WIPF2: variants seen among roughly 807,000 people sequenced by gnomAD.
The protein encoded by WIPF2 is WAS/WASL-interacting protein family member 2.
Under a neutral mutation model 38.8 loss-of-function variants are expected in WIPF2, and 23 were observed. The ratio of observed to expected loss-of-function variants is 0.59; its 90% confidence interval spans 0.43 to 0.84. WIPF2 has a LOEUF of 0.84. Ranked by LOEUF, WIPF2 falls within the 40% of genes least tolerant of loss-of-function variation. WIPF2 has a pLI of 0.00. For synonymous variants in WIPF2, 210 were observed against 223.2 expected (o/e 0.94, Z 0.53); for missense variants, 574 against 580.5 (o/e 0.99, Z 0.11).
At chr17:40,229,765 T>C (rs1218302088) in intron 1 of WIPF2, among the ~76,000 whole-genome samples, 2 of 152,178 alleles carry the variant, frequency 1.3e-5, no homozygotes, top group Non-Finnish European at 2.9e-5. Flanking sequence ...TTGCTGTAAA[T>C]GCTGTGGAGA....
At chr17:40,229,214 C>T (rs897662204) in intron 1 of WIPF2, among the ~76,000 whole-genome samples, 4 of 151,416 alleles carry the variant, frequency 2.6e-5, no homozygotes, top group East Asian at 1.9e-4. Context: ...CGGGTTCAAG[C>T]GATTCTCCTG....
rs184056687 is a variant in WIPF2 at position 40,225,931 on chromosome 17, G to A, written c.-70+6439G>A. Among the ~76,000 whole-genome samples, 277 of 152,226 alleles carry A rather than the reference G, an allele frequency of 1.8e-3. 2 individuals are homozygous for A. Among genetic ancestry groups the A allele is most frequent in the African/African-American group, 6.4e-3 (267 of 41,526 alleles). On this transcript the variant is annotated intron_variant, in intron 1 of 7. Coordinates refer to ENST00000323571, the MANE Select transcript of WIPF2 (RefSeq NM_133264.5). ...TTATAGGTGTGAGCCACCAGGCTCA[G>A]CCATTATAATTGATTTTCAAAAAAA...
intron 2 of WIPF2, among the ~76,000 whole-genome samples, chr17:40,258,169 G>T (rs1366439578): frequency 6.6e-6 from 1 of 152,166 alleles, no homozygotes; most frequent in Admixed American, 6.5e-5. Flanking sequence ...AGGCCGAGGC[G>T]GGCGGATCAC....
At chr17:40,276,520 CAAAAAAA>C (rs1160459322) in intron 6 of WIPF2, among the ~76,000 whole-genome samples, 16 of 71,626 alleles carry the variant, frequency 2.2e-4, no homozygotes, top group African/African-American at 9.8e-4. Flanking sequence ...GACTCCGTCT[CAAAAAAA>C]AAAAAAAAAA....
At chr17:40,274,786 T>C (rs1188206709) in intron 6 of WIPF2, among the ~76,000 whole-genome samples, 2 of 150,512 alleles carry the variant, frequency 1.3e-5, no homozygotes, top group Non-Finnish European at 3.0e-5. Flanking sequence ...CTCTAAAAAA[T>C]ACAAAAATTA....
At chr17:40,253,148 C>G (rs181845207) in intron 1 of WIPF2, among the ~76,000 whole-genome samples, 7 of 149,118 alleles carry the variant, frequency 4.7e-5, no homozygotes, top group African/African-American at 1.5e-4. Flanking sequence ...CTGCAAGCTC[C>G]GTCTCCCAGG....
intron 5 of WIPF2, 43 bp from the exon 6 acceptor site, chr17:40,273,747 C>T (rs778672220): frequency 1.4e-5 from 17 of 1,257,232 alleles, no homozygotes; most frequent in South Asian, 7.2e-5. Context: ...TACCCCTTGC[C>T]GTCTCCACAT....
At chr17:40,278,010 G>A (rs1032500103) in intron 7 of WIPF2, among the ~76,000 whole-genome samples, 175 bp from the exon 8 acceptor site, 3 of 152,136 alleles carry the variant, frequency 2.0e-5, no homozygotes, top group Non-Finnish European at 2.9e-5. Context: ...ACAGGCGTGA[G>A]CCACCTTGCC....
At chr17:40,222,280 C>T (rs1380794178) in intron 1 of WIPF2, among the ~76,000 whole-genome samples, 1 of 151,788 alleles carries the variant, frequency 6.6e-6, no homozygotes, top group African/African-American at 2.4e-5. Flanking sequence ...TCTCGAACTC[C>T]TGACCTCGTG....
intron 1 of WIPF2, among the ~76,000 whole-genome samples, chr17:40,237,952 G>T (rs556577012): frequency 6.7e-6 from 1 of 148,544 alleles, no homozygotes; most frequent in Admixed American, 6.7e-5. Flanking sequence ...TGTAATCCCA[G>T]CTACTCAGGA....
At chr17:40,264,326 CAAAAAAA>C (rs772320240) in intron 4 of WIPF2, among the ~76,000 whole-genome samples, 157 bp from the exon 5 acceptor site, 58 of 23,956 alleles carry the variant, frequency 2.4e-3, no homozygotes, top group East Asian at 3.2e-3. Context: ...AACTTCGTCT[CAAAAAAA>C]AAAAAAAAAA....
intron 1 of WIPF2, among the ~76,000 whole-genome samples, chr17:40,244,617 G>A (rs1290430510): frequency 2.0e-5 from 3 of 152,124 alleles, no homozygotes; most frequent in Non-Finnish European, 2.9e-5. Flanking sequence ...GGTTCATTTA[G>A]GTTTCTTTGG....
chr17:40,232,788 G>A (rs144614326), intron 1 of WIPF2, among the ~76,000 whole-genome samples: 2,698 of 150,550 alleles, frequency 0.018, 43 homozygotes, highest in Non-Finnish European at 0.03. Context: ...ACAGGCATGC[G>A]CCACCATGCC....
At chr17:40,229,849 T>C (rs2030667043) in intron 1 of WIPF2, among the ~76,000 whole-genome samples, 1 of 152,170 alleles carries the variant, frequency 6.6e-6, no homozygotes, top group African/African-American at 2.4e-5. Context: ...GAATTGACTT[T>C]TAAGGGTGAA....
At chr17:40,224,680 A>G (rs2030407923) in intron 1 of WIPF2, among the ~76,000 whole-genome samples, 1 of 151,714 alleles carries the variant, frequency 6.6e-6, no homozygotes, top group Non-Finnish European at 1.5e-5. Flanking sequence ...TCTGGTGGAC[A>G]TCTTGTCTGT....
chr17:40,262,084 T>C (rs1161334819), intron 3 of WIPF2, among the ~76,000 whole-genome samples: 4 of 150,170 alleles, frequency 2.7e-5, no homozygotes, highest in African/African-American at 7.3e-5. Flanking sequence ...TCTCTTTTTT[T>C]TTTTTTTTTT....
At chr17:40,240,130 C>T (rs1419873488) in intron 1 of WIPF2, among the ~76,000 whole-genome samples, 8 of 151,686 alleles carry the variant, frequency 5.3e-5, no homozygotes, top group Non-Finnish European at 1.2e-4. Context: ...GGTGCAATCT[C>T]AGCTCACTGC....
chr17:40,277,722 C>CTT (rs1567727173), intron 7 of WIPF2, among the ~76,000 whole-genome samples: 2 of 99,590 alleles, frequency 2.0e-5, no homozygotes, highest in African/African-American at 1.2e-4. Context: ...TCTTCGTTGT[C>CTT]CTTTTTTTTT....
chr17:40,227,509 T>A (rs1365129597), intron 1 of WIPF2, among the ~76,000 whole-genome samples: 2 of 152,166 alleles, frequency 1.3e-5, no homozygotes, highest in Admixed American at 6.6e-5. Context: ...TTTGTCTTCC[T>A]ATCAATCCAG....
Sources: gnomAD v4.1 joint callset for allele counts (sites outside exome capture counted in the v4.1 genomes callset) on GRCh38, gnomAD v4.1.1 for gene constraint, MANE v1.5 for transcripts, NCBI Gene and HGNC (gene_info 2026-07-23, HGNC 2026-07-21) for gene names.